Variants in CEP68 observed in about 807,000 individuals in gnomAD.
CEP68 encodes centrosomal protein of 68 kDa.
Under a neutral mutation model 55.3 loss-of-function variants are expected in CEP68, and 26 were observed. The observed-to-expected ratio is 0.47, with a 90% CI of 0.34 to 0.65. CEP68 has a LOEUF of 0.65. CEP68 is among the 30% of genes least tolerant of loss of function. The pLI, the probability that CEP68 is intolerant of heterozygous loss-of-function variation, is 0.01. For synonymous variants in CEP68, 402 were observed against 383.2 expected (o/e 1.05, Z -0.57); for missense variants, 957 against 946.7 (o/e 1.01, Z -0.14).
chr2:65,082,397 G>C, intron 5 of CEP68, 139 bp from the exon 6 acceptor site: 1 of 596,876 alleles, frequency 1.7e-6, no homozygotes, highest in East Asian at 3.5e-5. Context: ...TGTTAAAAAA[G>C]GGCAGACATT....
chr2:65,083,669 G>A lies in CEP68; in HGVS notation c.*35G>A, dbSNP rs1038770562. 2.6e-5 allele frequency: 4 copies of A among 152,118 alleles called. No homozygotes were observed. Among genetic ancestry groups the A allele is most frequent in the African/African-American group, 9.7e-5 (4 of 41,408 alleles). The allele number at this position is 152,118 out of a possible 1,614,324, so 9.4% of individuals were successfully genotyped here. On this transcript the variant is annotated 3_prime_UTR_variant, in exon 7 of 7. Transcript: ENST00000377990. The stretch of plus-strand genomic sequence containing the variant: ...TTCTCAGGCAGAGGTGCAACCTGTC[G>A]GCCAAACACTGGCTAGTGAGAAAAA...
Position 65,071,792 on chromosome 2 carries a change from C to A in CEP68, c.696C>A (p.Val232=). ...TCTCCTCCTCCCTGGAGCCGGTCGTCCCCCAGGAACCTTCCTCTGTGGTGG... is the reference window on the plus strand; with the variant it reads ...TCTCCTCCTCCCTGGAGCCGGTCGTACCCCAGGAACCTTCCTCTGTGGTGG... ...AKVSSSLEPV[V]PQEPSSVVGL... Residue 232 remains valine, a synonymous_variant, in exon 3 of 7, where the codon GTC becomes GTA. Transcript: ENST00000377990. 1.9e-6 allele frequency: 3 copies of A among 1,609,442 alleles called. No individual in the cohort carries two copies. Among genetic ancestry groups the A allele is most frequent in the South Asian group, 1.1e-5 (1 of 90,794 alleles).
At chr2:65,059,058 A>G (rs1467617236) in intron 1 of CEP68, among the ~76,000 whole-genome samples, 1 of 152,198 alleles carries the variant, frequency 6.6e-6, no homozygotes, top group Non-Finnish European at 1.5e-5. Context: ...CTGACAAAAA[A>G]TCTTTACCTG....
intron 2 of CEP68, chr2:65,070,725 T>A (rs888783855): frequency 1.3e-5 from 2 of 151,978 alleles, no homozygotes; most frequent in Admixed American, 6.6e-5. Flanking sequence ...GTCCGGTGCT[T>A]ATTATTAGAA....
At chr2:65,066,745 A>ATATATATATATATATAT (rs1553384178) in intron 1 of CEP68, among the ~76,000 whole-genome samples, 1 of 58,408 alleles carries the variant, frequency 1.7e-5, no homozygotes, top group African/African-American at 8.8e-5. Flanking sequence ...AAAAAAAAAA[A>ATATATATATATATATAT]ATATATATAT....
intron 1 of CEP68, among the ~76,000 whole-genome samples, chr2:65,069,190 G>C (rs954290946): frequency 6.6e-6 from 1 of 152,250 alleles, no homozygotes; most frequent in African/African-American, 2.4e-5. Context: ...CATGAAAGCA[G>C]AGGGGAAATG....
At chr2:65,073,974 A>C (rs926687797) in intron 3 of CEP68, 2 of 268,754 alleles carry the variant, frequency 7.4e-6, no homozygotes, top group Admixed American at 1.0e-4. Context: ...TGCTGATTCT[A>C]GTTAGTAATG....
Position 65,082,535 on chromosome 2 carries a change from G to A in CEP68, c.2105-1G>A. ...TTAATTTCTTTGAACCTCATTGTTA[G>A]TTTTAGAGGATGTCCTTGGGAGGAT... On this transcript the variant is annotated splice_acceptor_variant, in intron 5 of 6. Coordinates refer to ENST00000377990, the MANE Select transcript of CEP68 (RefSeq NM_015147.3). LOFTEE classifies it high-confidence loss of function. 6.5e-7 allele frequency: 1 copy of A among 1,545,586 alleles called. No homozygotes were observed. Among genetic ancestry groups the A allele is most frequent in the Non-Finnish European group, 8.7e-7 (1 of 1,152,280 alleles).
At chr2:65,068,311 C>G (rs1310292604) in intron 1 of CEP68, among the ~76,000 whole-genome samples, 1 of 152,182 alleles carries the variant, frequency 6.6e-6, no homozygotes, top group Non-Finnish European at 1.5e-5. Flanking sequence ...TCCTGAACCT[C>G]TTTGTGTTGG....
chr2:65,076,995 CTT>C (rs573128823), intron 4 of CEP68, among the ~76,000 whole-genome samples: 8 of 118,268 alleles, frequency 6.8e-5, no homozygotes, highest in East Asian at 2.5e-4. Flanking sequence ...TTGACTTTAC[CTT>C]TTTTTTTTTT....
At chr2:65,062,964 C>G (rs1365610342) in intron 1 of CEP68, among the ~76,000 whole-genome samples, 5 of 152,206 alleles carry the variant, frequency 3.3e-5, no homozygotes, top group Admixed American at 3.3e-4. Flanking sequence ...CCACAGTTCC[C>G]AGTCCTCCTC....
chr2:65,080,506 A>T (rs1236070907), intron 5 of CEP68: 2 of 985,282 alleles, frequency 2.0e-6, no homozygotes, highest in Non-Finnish European at 2.4e-6. Flanking sequence ...CCAACCAAAC[A>T]TTCTGACAGT....
chr2:65,072,895 G>A lies in CEP68; in HGVS notation c.1799G>A (p.Trp600Ter), dbSNP rs766376070. 6.2e-7 allele frequency: 1 copy of A among 1,614,166 alleles called. No individual in the cohort carries two copies. Among genetic ancestry groups the A allele is most frequent in the Non-Finnish European group, 8.5e-7 (1 of 1,180,020 alleles). ...TCCTTGCCAGCTAGGTTGGACCGGTGGCCATTCTCAGACCCAGATGTTGAA... is the reference window on the plus strand; with the variant it reads ...TCCTTGCCAGCTAGGTTGGACCGGTAGCCATTCTCAGACCCAGATGTTGAA... ...RPSLPARLDR[W>*]PFSDPDVEGQ... Residue 600 changes from tryptophan to a stop codon, truncating the protein, a stop_gained, in exon 3 of 7, where the codon TGG becomes TAG. Coordinates refer to ENST00000377990, the MANE Select transcript of CEP68 (RefSeq NM_015147.3). LOFTEE classifies it high-confidence loss of function.
Position 65,072,263 on chromosome 2 carries a change from G to A in CEP68, c.1167G>A (p.Met389Ile), listed in dbSNP as rs1393694366. The A allele has an allele frequency of 2.5e-6, 4 of 1,614,004 alleles. No individual in the cohort carries two copies. The East Asian group carries it at 8.9e-5, about 36-fold the overall frequency. ...PSRVPQKQGG[M>I]GLASWSQLAS... is the part of the protein sequence containing the mutation. ...GAGTACCCCAGAAACAGGGTGGCAT[G>A]GGCTTGGCATCTTGGAGCCAACTTG... Residue 389 changes from methionine (M) to isoleucine (I), a missense_variant, in exon 3 of 7, where the codon ATG (methionine) becomes ATA (isoleucine). Transcript: ENST00000377990.
intron 1 of CEP68, among the ~76,000 whole-genome samples, chr2:65,062,141 A>G (rs1275556037): frequency 6.6e-6 from 1 of 152,254 alleles, no homozygotes; most frequent in East Asian, 1.9e-4. Flanking sequence ...TGGCTGGCAC[A>G]GGTGACTGTG....
chr2:65,072,734 A>C lies in CEP68; in HGVS notation c.1638A>C (p.Gln546His). 1 of 1,614,058 alleles carries C rather than the reference A, an allele frequency of 6.2e-7. No homozygotes were observed. Among genetic ancestry groups the C allele is most frequent in the Non-Finnish European group, 8.5e-7 (1 of 1,180,008 alleles). The change falls in exon 3 of 7, where the codon CAA becomes CAC. Residue 546 changes from glutamine (Q) to histidine (H), a missense_variant. Transcript: ENST00000377990. ...AGCTTCCCCCTGGAGCTGCCCTCCA[A>C]GGATCTGGGGATCCTGAGGGCCAGA... ...QSQLPPGAALQGSGDPEGQNP... is the reference protein window; with the variant it reads ...QSQLPPGAALHGSGDPEGQNP...
At chr2:65,073,194 G>T (rs986732291) in intron 3 of CEP68, 40 of 637,170 alleles carry the variant, frequency 6.3e-5, no homozygotes, top group Non-Finnish European at 2.8e-5. Flanking sequence ...GAGAGGTTAG[G>T]TAACGTGCCC....
At chr2:65,059,078 T>C (rs1675790534) in intron 1 of CEP68, among the ~76,000 whole-genome samples, 1 of 152,162 alleles carries the variant, frequency 6.6e-6, no homozygotes, top group Non-Finnish European at 1.5e-5. Flanking sequence ...GGTTGATCCA[T>C]CCAGAAAGAA....
chr2:65,076,685 G>T (rs753422607), intron 4 of CEP68, among the ~76,000 whole-genome samples: 12 of 152,082 alleles, frequency 7.9e-5, no homozygotes, highest in Non-Finnish European at 1.2e-4. Flanking sequence ...CAGTACTAGA[G>T]AATAAAATAA....
Sources: allele counts gnomAD v4.1 joint callset (sites outside exome capture counted in the v4.1 genomes callset), GRCh38; gene constraint gnomAD v4.1.1; transcripts MANE v1.5; gene names NCBI Gene and HGNC (gene_info 2026-07-23, HGNC 2026-07-21).